TEAD1: variants seen among roughly 807,000 people sequenced by gnomAD.
The protein encoded by TEAD1 is TEA domain transcription factor 1.
A neutral mutation model predicts 54.9 loss-of-function variants in TEAD1; 9 were observed. That is an observed-to-expected ratio of 0.16 (90% CI 0.10 to 0.29). TEAD1 has a LOEUF of 0.29. TEAD1 is among the 10% of genes least tolerant of loss of function. The probability of loss-of-function intolerance (pLI) is 1.00; values close to 1 mark genes in which losing one functional copy is unlikely to be tolerated. For missense variants in TEAD1, 387 were observed against 535.9 expected (o/e 0.72, Z 2.74); for synonymous variants, 200 against 187.8 (o/e 1.07, Z -0.53).
chr11:12,707,919 G>T (rs752603841), intron 2 of TEAD1, among the ~76,000 whole-genome samples: 19 of 152,242 alleles, frequency 1.2e-4, no homozygotes, highest in Non-Finnish European at 2.6e-4. Flanking sequence ...TAAAGTATAT[G>T]AATGAATAAC....
At chr11:12,721,252 G>A (rs1013008072) in intron 2 of TEAD1, among the ~76,000 whole-genome samples, 3 of 152,178 alleles carry the variant, frequency 2.0e-5, no homozygotes, top group Admixed American at 1.3e-4. Context: ...CCCTTCTTGC[G>A]TTCTTGTTCC....
At chr11:12,887,701 G>T (rs1438935387) in intron 9 of TEAD1, among the ~76,000 whole-genome samples, 3 of 152,174 alleles carry the variant, frequency 2.0e-5, no homozygotes, top group African/African-American at 7.2e-5. Flanking sequence ...TGACTTCTCA[G>T]ACTTTAATTT....
At chr11:12,906,463 C>T (rs1319473554) in intron 10 of TEAD1, among the ~76,000 whole-genome samples, 1 of 151,188 alleles carries the variant, frequency 6.6e-6, no homozygotes, top group African/African-American at 2.4e-5. Context: ...ATGGCGTGAA[C>T]CTGGGAGGCG....
At chr11:12,893,561 C>T (rs2134116535) in intron 9 of TEAD1, among the ~76,000 whole-genome samples, 1 of 152,324 alleles carries the variant, frequency 6.6e-6, no homozygotes, top group African/African-American at 2.4e-5. Flanking sequence ...CTTTCTTTGG[C>T]AGGTCCGCAC....
In TEAD1 at chr11:12,923,086, T is replaced by C. The variant is rs551548239; in HGVS notation, c.874-1826T>C. 1.8e-4 allele frequency among the ~76,000 whole-genome samples: 27 copies of C among 152,140 alleles called. No individual in the cohort carries two copies. In the Middle Eastern group the frequency reaches 0.014, roughly 77 times the overall value. On this transcript the variant is annotated intron_variant, in intron 10 of 12. Transcript: ENST00000527636. Reference sequence around the variant, plus strand: ...AATGGCCTCCTAGTATATATATATATACATACTTTCTGCTCTCTTCCGGAG... The same window carrying C: ...AATGGCCTCCTAGTATATATATATACACATACTTTCTGCTCTCTTCCGGAG...
At chr11:12,682,522 G>C (rs949394759) in intron 2 of TEAD1, among the ~76,000 whole-genome samples, 1 of 152,142 alleles carries the variant, frequency 6.6e-6, no homozygotes, top group Non-Finnish European at 1.5e-5. Context: ...CCTGGTGTTG[G>C]GAAATGAGGG....
chr11:12,880,199 C>G (rs1947938308), intron 6 of TEAD1, among the ~76,000 whole-genome samples: 1 of 152,104 alleles, frequency 6.6e-6, no homozygotes, highest in Non-Finnish European at 1.5e-5. Context: ...TTTTCCTGGC[C>G]CTTGGTCTCT....
chr11:12,778,529 CTTT>C lies in TEAD1; in HGVS notation c.202+14114_202+14116del, dbSNP rs775536398. Among the ~76,000 whole-genome samples, 275 of 125,794 alleles carry C rather than the reference CTTT, an allele frequency of 2.2e-3. 1 individual carries two copies. Among genetic ancestry groups the C allele is most frequent in the African/African-American group, 7.7e-3 (255 of 33,162 alleles). 82.5% of individuals were successfully genotyped at this position (125,794 alleles called of 152,430 possible). A position where few individuals can be genotyped will look rare whatever the true frequency, so the allele number is the denominator to read the frequency against. On this transcript the variant is annotated intron_variant, in intron 3 of 12. Transcript: ENST00000527636. ...TGTCCATTAAAGGCCTCATCAGACT[CTTT>C]TTTTTTTTTTTTTTTTTTAAACTGT... is the stretch of plus-strand genomic sequence containing the variant.
chr11:12,879,738 C>T lies in TEAD1; in HGVS notation c.361C>T (p.His121Tyr), dbSNP rs1444573377. The T allele has an allele frequency of 1.9e-6, 3 of 1,614,092 alleles. No individual in the cohort carries two copies. Among genetic ancestry groups the T allele is most frequent in the Non-Finnish European group, 2.5e-6 (3 of 1,180,044 alleles). Residue 121 changes from histidine to tyrosine, a missense_variant, in exon 6 of 13, where the codon CAC becomes TAC. His to Tyr is a moderately conservative substitution (Grantham distance 83). Around this residue, in one of 5 missense-constraint regions of TEAD1, gnomAD observed 22 missense variants for 43.2 expected, o/e 0.51. Coordinates refer to ENST00000527636, the MANE Select transcript of TEAD1 (RefSeq NM_021961.6). ...GACTGCAAAGGATAAGGCCCTGCAG[C>T]ACATGGCGGCCATGTCCTCAGCCCA...
chr11:12,875,779 A>G (rs1425443445), intron 5 of TEAD1, among the ~76,000 whole-genome samples: 1 of 152,244 alleles, frequency 6.6e-6, no homozygotes, highest in Non-Finnish European at 1.5e-5. Context: ...ACAGCAGACC[A>G]AAGCTGCCCA....
chr11:12,688,068 T>G (rs1380738378), intron 2 of TEAD1, among the ~76,000 whole-genome samples: 1 of 152,196 alleles, frequency 6.6e-6, no homozygotes, highest in African/African-American at 2.4e-5. Context: ...GATATGGAAA[T>G]GGCCTCATGC....
chr11:12,844,997 C>T (rs542666061), intron 3 of TEAD1, among the ~76,000 whole-genome samples: 220 of 119,806 alleles, frequency 1.8e-3, no homozygotes, highest in African/African-American at 6.7e-3. Context: ...GACAGGGTCT[C>T]GCCTGTCGCC....
intron 2 of TEAD1, among the ~76,000 whole-genome samples, chr11:12,687,948 G>A (rs1219340773): frequency 1.3e-5 from 2 of 152,166 alleles, no homozygotes; most frequent in Non-Finnish European, 2.9e-5. Context: ...GACTGCTGTA[G>A]TTTGGAAGTT....
chr11:12,730,372 C>T (rs1303457292), intron 2 of TEAD1, among the ~76,000 whole-genome samples: 1 of 147,698 alleles, frequency 6.8e-6, no homozygotes, highest in Admixed American at 6.7e-5. Flanking sequence ...ATATTCTTTC[C>T]AGTGGTGCCA....
At chr11:12,881,416 A>C (rs1235305081) in intron 7 of TEAD1, among the ~76,000 whole-genome samples, 1 of 152,194 alleles carries the variant, frequency 6.6e-6, no homozygotes, top group Non-Finnish European at 1.5e-5. Flanking sequence ...GCCCTGTAGT[A>C]GGATGGCTAG....
chr11:12,803,114 T>TG (rs1946097478), intron 3 of TEAD1, among the ~76,000 whole-genome samples: 1 of 151,916 alleles, frequency 6.6e-6, no homozygotes, highest in Non-Finnish European at 1.5e-5. Context: ...TTTTTTTTTT[T>TG]GTTTTGCCAT....
At chr11:12,874,164 C>T (rs574280366) in intron 5 of TEAD1, among the ~76,000 whole-genome samples, 1 of 152,338 alleles carries the variant, frequency 6.6e-6, no homozygotes, top group Non-Finnish European at 1.5e-5. Flanking sequence ...CCATATATGG[C>T]AGCTATCATA....
intron 3 of TEAD1, among the ~76,000 whole-genome samples, chr11:12,795,085 G>T (rs1945886528): frequency 6.6e-6 from 1 of 152,198 alleles, no homozygotes; most frequent in Non-Finnish European, 1.5e-5. Context: ...GTGAGAAGCT[G>T]GAGGTTGAGG....
At chr11:12,889,162 T>G (rs759307313) in intron 9 of TEAD1, among the ~76,000 whole-genome samples, 2 of 152,176 alleles carry the variant, frequency 1.3e-5, no homozygotes, top group Non-Finnish European at 2.9e-5. Flanking sequence ...ATGATTTCAG[T>G]GTTGCATATC....
Sources: gnomAD v4.1 joint callset for allele counts (sites outside exome capture counted in the v4.1 genomes callset) on GRCh38, gnomAD v4.1.1 for gene constraint, gnomAD v4.1.1 regional missense constraint, MANE v1.5 for transcripts, NCBI Gene and HGNC (gene_info 2026-07-23, HGNC 2026-07-21) for gene names.